Variants in PRKD3 observed in about 807,000 individuals in gnomAD.
PRKD3 encodes the protein protein kinase D3.
A neutral mutation model predicts 99.2 loss-of-function variants in PRKD3; 47 were observed. The ratio of observed to expected loss-of-function variants is 0.47; its 90% CI spans 0.38 to 0.60. The LOEUF is 0.60. Among genes scored for constraint, PRKD3 ranks in the 20% least tolerant of loss-of-function variants. The probability of loss-of-function intolerance (pLI) is 0.00; values close to 1 mark genes in which losing one functional copy is unlikely to be tolerated. For missense variants in PRKD3, 1,019 were observed against 1,088.4 expected (o/e 0.94, Z 0.90); for synonymous variants, 392 against 355.4 (o/e 1.10, Z -1.16).
At chr2:37,295,783 G>A (rs919367749) in intron 2 of PRKD3, among the ~76,000 whole-genome samples, 2 of 152,152 alleles carry the variant, frequency 1.3e-5, no homozygotes, top group Non-Finnish European at 2.9e-5. Flanking sequence ...AAAGGGAGAC[G>A]AGACATAAGG....
chr2:37,302,918 A>C (rs1467781083), intron 2 of PRKD3, among the ~76,000 whole-genome samples: 1 of 152,022 alleles, frequency 6.6e-6, no homozygotes, highest in Non-Finnish European at 1.5e-5. Flanking sequence ...CCATTGCCCA[A>C]AGTGAGAACT....
At chr2:37,294,132 G>C (rs889934088) in intron 2 of PRKD3, among the ~76,000 whole-genome samples, 2 of 152,096 alleles carry the variant, frequency 1.3e-5, no homozygotes, top group African/African-American at 2.4e-5. Flanking sequence ...GTCTTGTTCT[G>C]TTGCCTAGGA....
intron 2 of PRKD3, among the ~76,000 whole-genome samples, chr2:37,308,451 G>A (rs2124885624): frequency 6.6e-6 from 1 of 152,144 alleles, no homozygotes; most frequent in Middle Eastern, 3.4e-3. Flanking sequence ...TTGAGACAGA[G>A]TTTTGCTCTT....
In PRKD3 at chr2:37,316,321, G is replaced by A. The variant is rs771585026; in HGVS notation, c.204C>T (p.Leu68=). 6.2e-7 allele frequency: 1 copy of A among 1,614,240 alleles called. No individual in the cohort carries two copies. The highest frequency in any genetic ancestry group is 1.1e-5 in the South Asian group (1 of 91,082). ...HTVSFLLQIG[L]TRESVTIEAQ... ...CTTCAATGGTAACACTCTCCCGTGTGAGGCCAATTTGCAGTAGAAATGAAA... is the reference window on the plus strand; with the variant it reads ...CTTCAATGGTAACACTCTCCCGTGTAAGGCCAATTTGCAGTAGAAATGAAA... The change falls in exon 2 of 19, where the codon CTC becomes CTT. Residue 68 remains leucine, a synonymous_variant. Transcript: ENST00000234179.
At chr2:37,315,221 C>T (rs1211488159) in intron 2 of PRKD3, among the ~76,000 whole-genome samples, 1 of 152,068 alleles carries the variant, frequency 6.6e-6, no homozygotes, top group African/African-American at 2.4e-5. Context: ...CCCATATAAA[C>T]TCTTTTGATA....
chr2:37,311,934 C>A (rs1671442738), intron 2 of PRKD3, among the ~76,000 whole-genome samples: 1 of 152,176 alleles, frequency 6.6e-6, no homozygotes, highest in South Asian at 2.1e-4. Flanking sequence ...GGGTTGAAAA[C>A]CACTGTTACA....
At chr2:37,323,078 G>A (rs1228597940) in intron 1 of PRKD3, among the ~76,000 whole-genome samples, 1 of 149,868 alleles carries the variant, frequency 6.7e-6, no homozygotes, top group Non-Finnish European at 1.5e-5. Flanking sequence ...TTAAAAAAAT[G>A]TAATATCAGA....
In PRKD3 at chr2:37,254,299, A is replaced by G. The variant is rs1667761147; in HGVS notation, c.2414-10T>C. On this transcript the variant is annotated splice_polypyrimidine_tract_variant and intron_variant, in intron 17 of 18. Coordinates refer to ENST00000234179, the MANE Select transcript of PRKD3 (RefSeq NM_005813.6). ...TTTATCAGATCAATTGCTAAGGGAA[A>G]AGACAAAACAAGATACATGAATTTG... 6.2e-7 allele frequency: 1 copy of G among 1,603,570 alleles called. No individual in the cohort carries two copies. The highest frequency in any genetic ancestry group is 1.3e-5 in the African/African-American group (1 of 74,724).
intron 1 of PRKD3, among the ~76,000 whole-genome samples, chr2:37,319,384 A>C (rs1470126591): frequency 6.6e-6 from 1 of 152,164 alleles, no homozygotes; most frequent in Non-Finnish European, 1.5e-5. Flanking sequence ...ATCATTTTTC[A>C]CTATTTATTA....
chr2:37,286,779 C>T (rs1057118267), intron 5 of PRKD3, among the ~76,000 whole-genome samples: 2 of 152,082 alleles, frequency 1.3e-5, no homozygotes, highest in African/African-American at 4.8e-5. Context: ...TATCTTAATA[C>T]TAAAATATAT....
In PRKD3 at chr2:37,295,782, C is replaced by T. The variant is rs190844893; in HGVS notation, c.289-2511G>A. On this transcript the variant is annotated intron_variant, in intron 2 of 18. Transcript: ENST00000234179. ...CACTAATGTATACCTAAAAGGGAGA[C>T]GAGACATAAGGTTTCAGAGCAAGGC... Among the ~76,000 whole-genome samples the T allele has an allele frequency of 4.6e-5, 7 of 152,050 alleles. No homozygotes were observed. The East Asian group carries it at 7.7e-4, about 17-fold the overall frequency.
At position 37,251,600 on chromosome 2, in the gene PRKD3, C is replaced by T. The variant is rs1475736135; in HGVS notation, c.*1577G>A. The T allele has an allele frequency of 6.6e-6, 1 of 152,186 alleles. No individual in the cohort carries two copies. Among genetic ancestry groups the T allele is most frequent in the Non-Finnish European group, 1.5e-5 (1 of 68,012 alleles). 9.4% of individuals were successfully genotyped at this position (152,186 alleles called of 1,614,324 possible). A position where few individuals can be genotyped will look rare whatever the true frequency, so the allele number is the denominator to read the frequency against. Reference sequence around the variant, plus strand: ...TGTCGAAAGGCCTTCTCAGTCTGTTCATGTACCAGAACATTCTTTTTTTTT... The same window carrying T: ...TGTCGAAAGGCCTTCTCAGTCTGTTTATGTACCAGAACATTCTTTTTTTTT... On this transcript the variant is annotated 3_prime_UTR_variant, in exon 19 of 19. Transcript: ENST00000234179.
chr2:37,300,741 G>GT lies in PRKD3; in HGVS notation c.289-7471dup, dbSNP rs1456629009. Among the ~76,000 whole-genome samples the GT allele has an allele frequency of 3.9e-5, 6 of 152,188 alleles. 1 individual carries two copies. Among genetic ancestry groups the GT allele is most frequent in the Non-Finnish European group, 1.5e-5 (1 of 68,030 alleles). On this transcript the variant is annotated intron_variant, in intron 2 of 18. Coordinates refer to ENST00000234179, the MANE Select transcript of PRKD3 (RefSeq NM_005813.6). ...CCTTAGCTATTCCAATCTCTTGTGA[G>GT]TATGAGCAATACCCAATGAGTAATC...
Position 37,316,825 on chromosome 2 carries a change from G to C in PRKD3, c.-301C>G, listed in dbSNP as rs1671686321. The C allele has an allele frequency of 6.9e-6, 8 of 1,151,300 alleles. No homozygotes were observed. Among genetic ancestry groups the C allele is most frequent in the Non-Finnish European group, 4.3e-6 (4 of 935,830 alleles). The allele number at this position is 1,151,300 out of a possible 1,614,324, so 71.3% of individuals were successfully genotyped here. ...GAGCTATCCTCAGCAGGATAGAGTT[G>C]ACGTAGCTTATTTACGAATCTATTT... On this transcript the variant is annotated 5_prime_UTR_variant, in exon 2 of 19. Coordinates refer to ENST00000234179, the MANE Select transcript of PRKD3 (RefSeq NM_005813.6).
rs542981367 is a variant in PRKD3, at chr2:37,324,375, T to C, written c.-656+306A>G. ...AGCGGAGCGCGAACCCAAGTTGCCCTCCGCGCGGACGCCGGAACTTGGCCC... is the reference window on the plus strand; with the variant it reads ...AGCGGAGCGCGAACCCAAGTTGCCCCCCGCGCGGACGCCGGAACTTGGCCC... On this transcript the variant is annotated intron_variant, in intron 1 of 18. Transcript: ENST00000234179. 5 of 250,470 alleles carry C rather than the reference T, an allele frequency of 2.0e-5. No individual in the cohort carries two copies. In the South Asian group the frequency reaches 6.0e-4, roughly 30 times the overall value. The allele number at this position is 250,470 out of a possible 1,614,324, so 15.5% of individuals were successfully genotyped here. A position where few individuals can be genotyped will look rare whatever the true frequency, so the allele number is the denominator to read the frequency against.
rs1291031469 is a variant in PRKD3, at chr2:37,252,771, T to TAAA, written c.*405_*406insTTT. On this transcript the variant is annotated 3_prime_UTR_variant, in exon 19 of 19. Coordinates refer to ENST00000234179, the MANE Select transcript of PRKD3 (RefSeq NM_005813.6). ...TCAATCTTGTAAGTCTTGTATAATT[T>TAAA]AGCCAAGCTATATAGTAACTGGATG... 7 of 151,542 alleles carry TAAA rather than the reference T, an allele frequency of 4.6e-5. No individual in the cohort carries two copies. The highest frequency in any genetic ancestry group is 1.0e-4 in the Non-Finnish European group (7 of 67,892). The allele number at this position is 151,542 out of a possible 1,614,324, so 9.4% of individuals were successfully genotyped here. A position where few individuals can be genotyped will look rare whatever the true frequency, so the allele number is the denominator to read the frequency against.
chr2:37,271,749 C>G (rs1341089144), intron 12 of PRKD3, among the ~76,000 whole-genome samples: 2 of 152,202 alleles, frequency 1.3e-5, no homozygotes, highest in African/African-American at 4.8e-5. Flanking sequence ...CCGAAACCAT[C>G]TCCCAACCCC....
At chr2:37,256,233 G>C (rs1004316781) in intron 17 of PRKD3, among the ~76,000 whole-genome samples, 1 of 152,096 alleles carries the variant, frequency 6.6e-6, no homozygotes, top group Non-Finnish European at 1.5e-5. Flanking sequence ...AGTAGTGGGA[G>C]ATGAGGCTAG....
rs759692706 is a variant in PRKD3 at position 37,316,539 on chromosome 2, T to C, written c.-15A>G. 6.2e-7 allele frequency: 1 copy of C among 1,601,096 alleles called. No homozygotes were observed. The highest frequency in any genetic ancestry group is 1.7e-5 in the Admixed American group (1 of 57,416). On this transcript the variant is annotated 5_prime_UTR_variant, in exon 2 of 19. Coordinates refer to ENST00000234179, the MANE Select transcript of PRKD3 (RefSeq NM_005813.6). ...TTTGCAGACATCTGCCTTTCTTTAA[T>C]CTTTTAAAATAGTTGTCGATTCTTT...
Sources: allele counts gnomAD v4.1 joint callset (sites outside exome capture counted in the v4.1 genomes callset), GRCh38; gene constraint gnomAD v4.1.1; transcripts MANE v1.5; gene names NCBI Gene and HGNC (gene_info 2026-07-23, HGNC 2026-07-21).